Variants in PLEKHA2 observed in about 807,000 individuals in gnomAD.
PLEKHA2 encodes the protein pleckstrin homology domain containing A2, also known as pleckstrin homology domain-containing family A member 2.
PLEKHA2 carries 28 observed loss-of-function variants against 53.2 expected under a neutral mutation model. That is an observed-to-expected ratio of 0.53 (90% CI 0.39 to 0.72). The LOEUF (loss-of-function observed/expected upper bound fraction) is 0.72. Among genes scored for constraint, PLEKHA2 ranks in the 30% least tolerant of loss-of-function variants. The probability of loss-of-function intolerance (pLI) is 0.00; values close to 1 mark genes in which losing one functional copy is unlikely to be tolerated. For synonymous variants in PLEKHA2, 193 were observed against 196.4 expected, an observed-to-expected ratio of 0.98 and a Z score of 0.14; for missense variants, 426 against 537.9, an observed-to-expected ratio of 0.79 and a Z score of 2.06.
rs1228473886 is a variant in PLEKHA2 at position 38,922,804 on chromosome 8, T to G, written c.141+4734T>G. Reference sequence around the variant, plus strand: ...AAATGCTTTTACATGTGTTACCCCATGGAACCTCTCCATAATCCTGGGGCC... The same window carrying G: ...AAATGCTTTTACATGTGTTACCCCAGGGAACCTCTCCATAATCCTGGGGCC... On this transcript the variant is annotated intron_variant, in intron 2 of 11. Transcript: ENST00000617275. This position sits in a 1 kb window ranked among gnomAD's most constrained non-coding sequence, Gnocchi z 4.0. Among the ~76,000 whole-genome samples the G allele has an allele frequency of 3.9e-5, 6 of 152,216 alleles. No homozygotes were observed. Among genetic ancestry groups the G allele is most frequent in the Non-Finnish European group, 8.8e-5 (6 of 68,040 alleles).
At chr8:38,927,366 C>T (rs573977901) in intron 2 of PLEKHA2, among the ~76,000 whole-genome samples, 242 of 152,058 alleles carry the variant, frequency 1.6e-3, no homozygotes, top group African/African-American at 5.7e-3. Flanking sequence ...ATTAGGCAAT[C>T]GTGGTGGCAT....
At chr8:38,955,663 C>T (rs1052089621) in intron 9 of PLEKHA2, among the ~76,000 whole-genome samples, 1 of 152,198 alleles carries the variant, frequency 6.6e-6, no homozygotes, top group East Asian at 1.9e-4. Flanking sequence ...CTCATGCACT[C>T]CTTTGCCCAG....
rs1835293199 is a variant in PLEKHA2, at chr8:38,973,637, A to T, written c.*3854A>T. ...CTCTGTGTTATTGCCTGCGGCAGCC[A>T]GTCCTTCATACTAGATAGAGTTCAG... On this transcript the variant is annotated 3_prime_UTR_variant, in exon 12 of 12. Coordinates refer to ENST00000617275, the MANE Select transcript of PLEKHA2 (RefSeq NM_021623.2). The T allele has an allele frequency of 6.7e-6, 1 of 149,150 alleles. No homozygotes were observed. The highest frequency in any genetic ancestry group is 1.5e-5 in the Non-Finnish European group (1 of 67,594). 9.2% of individuals were successfully genotyped at this position (149,150 alleles called of 1,614,324 possible).
chr8:38,904,461 G>T (rs1833840462), intron 1 of PLEKHA2, among the ~76,000 whole-genome samples: 1 of 152,208 alleles, frequency 6.6e-6, no homozygotes, highest in Non-Finnish European at 1.5e-5. Flanking sequence ...AAGTGCGAAG[G>T]CTGGGACTCA....
chr8:38,937,610 C>T (rs546724180), intron 3 of PLEKHA2, among the ~76,000 whole-genome samples: 3 of 152,234 alleles, frequency 2.0e-5, no homozygotes, highest in South Asian at 4.1e-4. Flanking sequence ...GAGGCTGCGT[C>T]ATTTAGAAAG....
intron 10 of PLEKHA2, among the ~76,000 whole-genome samples, chr8:38,963,808 G>A (rs563669922): frequency 1.3e-5 from 2 of 152,222 alleles, no homozygotes; most frequent in African/African-American, 4.8e-5. Context: ...ATTTATTAGG[G>A]AGTAGCATTT....
At chr8:38,935,888 C>T (rs1321743593) in intron 2 of PLEKHA2, 106 bp from the exon 3 acceptor site, 7 of 998,994 alleles carry the variant, frequency 7.0e-6, no homozygotes, top group Non-Finnish European at 9.5e-6. Context: ...GAGTAACTTG[C>T]TCAGTGTTGC....
chr8:38,968,798 G>C (rs1835187246), intron 11 of PLEKHA2, 129 bp downstream of exon 11: 1 of 863,978 alleles, frequency 1.2e-6, no homozygotes, highest in Non-Finnish European at 1.8e-6. Context: ...AGGCTGTCTT[G>C]CTTGTTTTTC....
At chr8:38,963,327 T>C (rs1404755475) in intron 10 of PLEKHA2, among the ~76,000 whole-genome samples, 2 of 152,230 alleles carry the variant, frequency 1.3e-5, no homozygotes, top group Non-Finnish European at 1.5e-5. Context: ...CACTTCCTTT[T>C]TTGTTTTACT....
intron 1 of PLEKHA2, among the ~76,000 whole-genome samples, chr8:38,910,163 C>T (rs879874059): frequency 1.3e-5 from 2 of 152,082 alleles, no homozygotes; most frequent in African/African-American, 2.4e-5. Flanking sequence ...TGCCATGTTG[C>T]CCAGGCTGGT....
chr8:38,904,301 G>GGGGCTC (rs1247284485), intron 1 of PLEKHA2, among the ~76,000 whole-genome samples: 1 of 152,244 alleles, frequency 6.6e-6, no homozygotes, highest in African/African-American at 2.4e-5. Flanking sequence ...TGCTGGGGCA[G>GGGGCTC]GGGCTCCTGA....
chr8:38,943,909 C>T (rs1834658994), intron 4 of PLEKHA2, 72 bp downstream of exon 4: 3 of 1,290,370 alleles, frequency 2.3e-6, no homozygotes, highest in Non-Finnish European at 2.2e-6. Context: ...TGGAGACAGT[C>T]CTGTGATCAC....
At chr8:38,961,499 T>C (rs1481864561) in intron 10 of PLEKHA2, among the ~76,000 whole-genome samples, 1 of 152,106 alleles carries the variant, frequency 6.6e-6, no homozygotes. Flanking sequence ...ATCACACCAC[T>C]GCACTCCAGC....
At position 38,953,385 on chromosome 8, in the gene PLEKHA2, T is replaced by C; in HGVS notation, c.773+18T>C. 1.3e-6 allele frequency: 2 copies of C among 1,588,300 alleles called. No individual in the cohort carries two copies. Among genetic ancestry groups the C allele is most frequent in the East Asian group, 4.5e-5 (2 of 44,748 alleles). Reference sequence around the variant, plus strand: ...AAGTCTGGGTAATTGTGTCTGCTTTTTCTCTTCTAATCCAAACCTCCATTT... The same window carrying C: ...AAGTCTGGGTAATTGTGTCTGCTTTCTCTCTTCTAATCCAAACCTCCATTT... On this transcript the variant is annotated intron_variant, in intron 9 of 11. Transcript: ENST00000617275.
At chr8:38,935,307 CCTT>C (rs1834473098) in intron 2 of PLEKHA2, among the ~76,000 whole-genome samples, 1 of 152,094 alleles carries the variant, frequency 6.6e-6, no homozygotes, top group Non-Finnish European at 1.5e-5. Context: ...CTGTGCCTGG[CCTT>C]CTTAAATGTA....
At chr8:38,954,326 C>G (rs983079352) in intron 9 of PLEKHA2, among the ~76,000 whole-genome samples, 23 of 152,182 alleles carry the variant, frequency 1.5e-4, no homozygotes, top group African/African-American at 5.3e-4. Flanking sequence ...ATTTATAATT[C>G]GGGAAAGTAG....
At chr8:38,962,773 G>C (rs896538473) in intron 10 of PLEKHA2, among the ~76,000 whole-genome samples, 1 of 152,258 alleles carries the variant, frequency 6.6e-6, no homozygotes, top group African/African-American at 2.4e-5. Flanking sequence ...GTTAGAACTA[G>C]GGTGCTATGT....
chr8:38,935,916 C>G lies in PLEKHA2; in HGVS notation c.142-78C>G, dbSNP rs1232626590. 2.1e-6 allele frequency: 3 copies of G among 1,402,786 alleles called. No individual in the cohort carries two copies. In the East Asian group the frequency reaches 6.9e-5, roughly 32 times the overall value. 86.9% of individuals were successfully genotyped at this position (1,402,786 alleles called of 1,614,324 possible). ...AGTGTTGCCAGGAAAGTGGCATAAACAGAGCTAGAATCTTGGTCTTCTGTC... is the reference window on the plus strand; with the variant it reads ...AGTGTTGCCAGGAAAGTGGCATAAAGAGAGCTAGAATCTTGGTCTTCTGTC... On this transcript the variant is annotated intron_variant, in intron 2 of 11. Coordinates refer to ENST00000617275, the MANE Select transcript of PLEKHA2 (RefSeq NM_021623.2).
chr8:38,920,434 A>T (rs147457181), intron 2 of PLEKHA2, among the ~76,000 whole-genome samples: 2 of 152,148 alleles, frequency 1.3e-5, no homozygotes, highest in Admixed American at 6.5e-5. Context: ...GATTACAGGC[A>T]TGAGCCACTT....
Sources: gnomAD v4.1 joint callset for allele counts (sites outside exome capture counted in the v4.1 genomes callset) on GRCh38, gnomAD v4.1.1 for gene constraint, Gnocchi (gnomAD v3.1) non-coding constraint, MANE v1.5 for transcripts, NCBI Gene and HGNC (gene_info 2026-07-23, HGNC 2026-07-21) for gene names.